The following TMEM117 variants were observed in gnomAD, a reference collection of about 807,000 sequenced individuals.
TMEM117 encodes the protein transmembrane protein 117.
A neutral mutation model predicts 52.4 loss-of-function variants in TMEM117; 27 were observed. That is an observed-to-expected ratio of 0.51 (90% CI 0.38 to 0.71). The LOEUF is 0.71. Ranked by LOEUF, TMEM117 falls within the 30% of genes least tolerant of loss-of-function variation. TMEM117 has a pLI of 0.00. For missense variants in TMEM117, 556 were observed against 630.5 expected (o/e 0.88, Z 1.26); for synonymous variants, 215 against 206.3 (o/e 1.04, Z -0.36).
At chr12:43,972,932 G>T (rs376299752) in intron 3 of TMEM117, among the ~76,000 whole-genome samples, 72 of 152,250 alleles carry the variant, frequency 4.7e-4, no homozygotes, top group Admixed American at 1.2e-3. Context: ...ATGCTTCTGT[G>T]ATTCAAATGT....
chr12:44,302,355 A>G (rs1950851684), intron 6 of TMEM117, among the ~76,000 whole-genome samples: 1 of 152,134 alleles, frequency 6.6e-6, no homozygotes, highest in Admixed American at 6.5e-5. Flanking sequence ...TCTATGCTCT[A>G]GTTCCACCCA....
chr12:43,863,138 C>T (rs1943519331), intron 2 of TMEM117, among the ~76,000 whole-genome samples: 1 of 151,944 alleles, frequency 6.6e-6, no homozygotes, highest in Non-Finnish European at 1.5e-5. Flanking sequence ...CCCAGCTACT[C>T]CGGAGCCTGA....
At chr12:44,166,211 A>G (rs1274262001) in intron 4 of TMEM117, among the ~76,000 whole-genome samples, 1 of 152,226 alleles carries the variant, frequency 6.6e-6, no homozygotes, top group Non-Finnish European at 1.5e-5. Context: ...CCTATGAGAT[A>G]CAGCAAAAGC....
At chr12:43,900,844 G>A (rs894210465) in intron 2 of TMEM117, among the ~76,000 whole-genome samples, 1 of 151,864 alleles carries the variant, frequency 6.6e-6, no homozygotes, top group African/African-American at 2.4e-5. Context: ...AGAGAGGAAG[G>A]AAGAAAAGAA....
intron 7 of TMEM117, among the ~76,000 whole-genome samples, chr12:44,378,746 TA>T (rs1181778589): frequency 2.6e-5 from 4 of 152,182 alleles, no homozygotes; most frequent in African/African-American, 9.6e-5. Context: ...GGGAACTTTA[TA>T]AATACACAGA....
intron 3 of TMEM117, among the ~76,000 whole-genome samples, chr12:44,100,856 CTT>C: frequency 6.7e-6 from 1 of 149,262 alleles, no homozygotes; most frequent in Non-Finnish European, 1.5e-5. Flanking sequence ...TGTGCTACTG[CTT>C]GTCCAACCGT....
At chr12:44,341,807 G>A (rs1242201308) in intron 6 of TMEM117, among the ~76,000 whole-genome samples, 3 of 152,140 alleles carry the variant, frequency 2.0e-5, no homozygotes, top group Admixed American at 1.3e-4. Context: ...ATCTAGAAGA[G>A]TCAGTAAACA....
At chr12:44,387,846 T>C (rs924724358) in intron 7 of TMEM117, among the ~76,000 whole-genome samples, 180 bp from the exon 8 acceptor site, 1 of 152,122 alleles carries the variant, frequency 6.6e-6, no homozygotes. Flanking sequence ...AGAATCCATT[T>C]AGTAAATTCC....
chr12:44,306,388 A>G (rs1362298367), intron 6 of TMEM117, among the ~76,000 whole-genome samples: 2 of 152,204 alleles, frequency 1.3e-5, no homozygotes, highest in African/African-American at 2.4e-5. Flanking sequence ...ATGTGTGCCT[A>G]TATACATAGA....
At chr12:43,939,621 T>C (rs925161258) in intron 2 of TMEM117, among the ~76,000 whole-genome samples, 2 of 152,208 alleles carry the variant, frequency 1.3e-5, no homozygotes, top group East Asian at 3.8e-4. Context: ...TCTACCACTT[T>C]GGCACAATGA....
chr12:44,281,831 T>A (rs532873808), intron 5 of TMEM117, among the ~76,000 whole-genome samples: 1 of 152,214 alleles, frequency 6.6e-6, no homozygotes, highest in Non-Finnish European at 1.5e-5. Flanking sequence ...CATATCTTTA[T>A]TATGACTTTC....
intron 5 of TMEM117, among the ~76,000 whole-genome samples, chr12:44,216,142 G>A (rs1313218134): frequency 6.6e-6 from 1 of 151,262 alleles, no homozygotes; most frequent in Non-Finnish European, 1.5e-5. Context: ...TGAGTAGCTG[G>A]GATTACAGGC....
chr12:44,090,389 T>C (rs1292968588), intron 3 of TMEM117, among the ~76,000 whole-genome samples: 1 of 147,896 alleles, frequency 6.8e-6, no homozygotes, highest in Non-Finnish European at 1.5e-5. Flanking sequence ...CTTTTATTTT[T>C]ATCTTACTTT....
At chr12:44,201,172 G>A (rs956489469) in intron 4 of TMEM117, among the ~76,000 whole-genome samples, 1 of 152,140 alleles carries the variant, frequency 6.6e-6, no homozygotes, top group African/African-American at 2.4e-5. Context: ...CAGAGAGGAT[G>A]ATGTGAGACA....
chr12:44,325,994 T>C (rs1272025640), intron 6 of TMEM117, among the ~76,000 whole-genome samples: 1 of 152,074 alleles, frequency 6.6e-6, no homozygotes, highest in African/African-American at 2.4e-5. Context: ...AAACCCCATC[T>C]CTACCAAAAA....
chr12:43,983,850 T>TA, intron 3 of TMEM117, among the ~76,000 whole-genome samples: 2 of 151,944 alleles, frequency 1.3e-5, no homozygotes, highest in East Asian at 3.9e-4. Flanking sequence ...CAACAAGCAT[T>TA]AAAAAAATCA....
At chr12:44,185,963 G>A (rs1447368325) in intron 4 of TMEM117, among the ~76,000 whole-genome samples, 2 of 150,462 alleles carry the variant, frequency 1.3e-5, no homozygotes, top group African/African-American at 2.4e-5. Flanking sequence ...TTTCTCACAT[G>A]CATTCTACCA....
intron 3 of TMEM117, among the ~76,000 whole-genome samples, chr12:43,974,038 C>G (rs964852996): frequency 3.9e-5 from 6 of 152,302 alleles, no homozygotes; most frequent in African/African-American, 1.2e-4. Context: ...CAAAACTTCT[C>G]TAGTCATCAG....
chr12:44,391,961 A>C (rs971934939), downstream of TMEM117, among the ~76,000 whole-genome samples: 1 of 152,186 alleles, frequency 6.6e-6, no homozygotes, highest in Non-Finnish European at 1.5e-5. Context: ...CCTATTAGCC[A>C]GCCCGTACCC....
Sources: gnomAD v4.1 joint callset for allele counts (sites outside exome capture counted in the v4.1 genomes callset) on GRCh38, gnomAD v4.1.1 for gene constraint, MANE v1.5 for transcripts, NCBI Gene and HGNC (gene_info 2026-07-23, HGNC 2026-07-21) for gene names.